The following PARD3B variants were observed in gnomAD, a reference collection of about 807,000 sequenced individuals.
PARD3B encodes the protein partitioning defective 3 homolog B.
In PARD3B, 103 loss-of-function variants were observed where a neutral mutation model predicts 130.2. The ratio of observed to expected loss-of-function variants is 0.79; its 90% CI spans 0.67 to 0.93. PARD3B has a LOEUF of 0.93. Among genes scored for constraint, PARD3B ranks in the 40% least tolerant of loss-of-function variants. The pLI, the probability that PARD3B is intolerant of heterozygous loss-of-function variation, is 0.00. For synonymous variants in PARD3B, 583 were observed against 553.2 expected (o/e 1.05, Z -0.76); for missense variants, 1,609 against 1,499.2 (o/e 1.07, Z -1.21).
chr2:205,534,465 A>C (rs982524718), intron 21 of PARD3B, among the ~76,000 whole-genome samples: 1 of 150,068 alleles, frequency 6.7e-6, no homozygotes, highest in African/African-American at 2.4e-5. Flanking sequence ...TATGGAGTCC[A>C]CTTTTTTTTT....
chr2:205,252,456 C>T (rs1035031315), intron 16 of PARD3B, among the ~76,000 whole-genome samples: 3 of 152,124 alleles, frequency 2.0e-5, no homozygotes, highest in Non-Finnish European at 4.4e-5. Context: ...GGAAATATTG[C>T]TTAATTCCAT....
At chr2:205,044,703 C>T (rs1698644882) in intron 3 of PARD3B, among the ~76,000 whole-genome samples, 1 of 152,002 alleles carries the variant, frequency 6.6e-6, no homozygotes, top group South Asian at 2.1e-4. Context: ...TGGATATTAG[C>T]CCTTTGTCAG....
At chr2:205,028,369 T>C (rs1160655669) in intron 3 of PARD3B, among the ~76,000 whole-genome samples, 1 of 152,154 alleles carries the variant, frequency 6.6e-6, no homozygotes, top group Non-Finnish European at 1.5e-5. Context: ...AATTAAAAAC[T>C]CTTAATAGAT....
intron 22 of PARD3B, among the ~76,000 whole-genome samples, chr2:205,565,058 C>T (rs570301027): frequency 2.6e-5 from 4 of 152,282 alleles, no homozygotes; most frequent in Admixed American, 6.5e-5. Flanking sequence ...CATTAGTACC[C>T]TTTCAACTTG....
At chr2:204,682,764 C>T (rs896663496) in intron 1 of PARD3B, among the ~76,000 whole-genome samples, 2 of 152,160 alleles carry the variant, frequency 1.3e-5, no homozygotes, top group African/African-American at 2.4e-5. Context: ...CAAGTTTTCC[C>T]TTTCTTGTGT....
intron 1 of PARD3B, among the ~76,000 whole-genome samples, chr2:204,571,153 G>A (rs984524778): frequency 6.6e-6 from 1 of 152,178 alleles, no homozygotes; most frequent in Admixed American, 6.5e-5. Flanking sequence ...ACTTGCATTG[G>A]CTGGCAAAGA....
chr2:205,310,481 A>G (rs2042341560), intron 18 of PARD3B, among the ~76,000 whole-genome samples: 1 of 152,038 alleles, frequency 6.6e-6, no homozygotes, highest in African/African-American at 2.4e-5. Context: ...TCCTTTGACC[A>G]ACATTTCTTC....
Position 204,891,817 on chromosome 2 carries a change from C to G in PARD3B, c.223-73335C>G, listed in dbSNP as rs1012097201. 3.9e-5 allele frequency among the ~76,000 whole-genome samples: 6 copies of G among 152,102 alleles called. No homozygotes were observed. In the South Asian group the frequency reaches 1.0e-3, roughly 26 times the overall value. On this transcript the variant is annotated intron_variant, in intron 2 of 22. Transcript: ENST00000406610. ...CTCTCAGTAGTTAGGAGTATTTTCCCCTGGGCAGTTCTAGAGCTTTGTGCT... is the reference window on the plus strand; with the variant it reads ...CTCTCAGTAGTTAGGAGTATTTTCCGCTGGGCAGTTCTAGAGCTTTGTGCT...
chr2:205,279,083 A>ACAAAC (rs1390412759), intron 16 of PARD3B, among the ~76,000 whole-genome samples: 1 of 146,316 alleles, frequency 6.8e-6, no homozygotes, highest in Non-Finnish European at 1.5e-5. Flanking sequence ...AAAAAAAAAA[A>ACAAAC]AAAAAAAAAA....
chr2:204,871,222 G>T (rs1171126156), intron 2 of PARD3B, among the ~76,000 whole-genome samples: 1 of 152,026 alleles, frequency 6.6e-6, no homozygotes, highest in African/African-American at 2.4e-5. Context: ...AGAGATATTT[G>T]TAGACTGTTC....
At chr2:204,605,358 C>G (rs1267193465) in intron 1 of PARD3B, among the ~76,000 whole-genome samples, 9 of 152,158 alleles carry the variant, frequency 5.9e-5, no homozygotes, top group Admixed American at 5.9e-4. Context: ...GATTCATAGT[C>G]ATTAGTTACT....
chr2:204,706,085 G>A (rs2038133749), intron 2 of PARD3B, among the ~76,000 whole-genome samples: 1 of 152,052 alleles, frequency 6.6e-6, no homozygotes, highest in Non-Finnish European at 1.5e-5. Context: ...TCTTTGCAAG[G>A]GTAAAATTTA....
chr2:205,159,209 G>A (rs2034363884), intron 11 of PARD3B, among the ~76,000 whole-genome samples: 1 of 152,070 alleles, frequency 6.6e-6, no homozygotes, highest in African/African-American at 2.4e-5. Context: ...CAAGAGTTGA[G>A]CCTAAAAGTA....
At chr2:204,979,274 A>T (rs145089521) in intron 3 of PARD3B, among the ~76,000 whole-genome samples, 2 of 152,068 alleles carry the variant, frequency 1.3e-5, no homozygotes, top group East Asian at 1.9e-4. Flanking sequence ...TCAACAGATG[A>T]TTCAATCTTT....
chr2:204,956,252 T>G (rs1407424334), intron 2 of PARD3B, among the ~76,000 whole-genome samples: 1 of 152,196 alleles, frequency 6.6e-6, no homozygotes, highest in Non-Finnish European at 1.5e-5. Context: ...AGGAGTATGT[T>G]TCTGAGACGA....
At position 204,943,807 on chromosome 2, in the gene PARD3B, A is replaced by G. The variant is rs550180617; in HGVS notation, c.223-21345A>G. ...TGCCTTTCCTATCTGCCATGTGCAA[A>G]TTAGGGAGACTGAGGCAACAAAGTT... On this transcript the variant is annotated intron_variant, in intron 2 of 22. Coordinates refer to ENST00000406610, the MANE Select transcript of PARD3B (RefSeq NM_001302769.2). This position sits in a 1 kb window ranked among gnomAD's most constrained non-coding sequence, Gnocchi z 4.2. 2.0e-5 allele frequency among the ~76,000 whole-genome samples: 3 copies of G among 152,282 alleles called. No homozygotes were observed. The East Asian group carries it at 5.8e-4, about 29-fold the overall frequency.
At chr2:204,818,832 G>A (rs990630022) in intron 2 of PARD3B, among the ~76,000 whole-genome samples, 22 of 152,120 alleles carry the variant, frequency 1.4e-4, no homozygotes, top group African/African-American at 4.6e-4. Context: ...AGTTTAGAAC[G>A]TATGTATTAT....
At chr2:205,304,267 G>A (rs77797710) in intron 18 of PARD3B, among the ~76,000 whole-genome samples, 4,904 of 152,216 alleles carry the variant, frequency 0.032, 224 homozygotes, top group African/African-American at 0.11. Flanking sequence ...GACAAGACTT[G>A]CTGCGGTCCT....
chr2:205,528,808 CA>C (rs1156664626), intron 21 of PARD3B, among the ~76,000 whole-genome samples: 1 of 152,094 alleles, frequency 6.6e-6, no homozygotes, highest in African/African-American at 2.4e-5. Context: ...CTTAAATACT[CA>C]ACAAGCTAGC....
Sources: gnomAD v4.1 joint callset for allele counts (sites outside exome capture counted in the v4.1 genomes callset) on GRCh38, gnomAD v4.1.1 for gene constraint, Gnocchi (gnomAD v3.1) non-coding constraint, MANE v1.5 for transcripts, NCBI Gene and HGNC (gene_info 2026-07-23, HGNC 2026-07-21) for gene names.